AGAP1: variants seen among roughly 807,000 people sequenced by gnomAD.
AGAP1 encodes ArfGAP with GTPase domain, ankyrin repeat and PH domain 1.
A neutral mutation model predicts 105.3 loss-of-function variants in AGAP1; 29 were observed. The ratio of observed to expected loss-of-function variants is 0.28; its 90% CI spans 0.21 to 0.38. The LOEUF is 0.38. Among genes scored for constraint, AGAP1 ranks in the 10% least tolerant of loss-of-function variants. The pLI is 1.00. For missense variants in AGAP1, 998 were observed against 1,165.1 expected, an observed-to-expected ratio of 0.86 and a Z score of 2.09; for synonymous variants, 509 against 485.9, an observed-to-expected ratio of 1.05 and a Z score of -0.63.
rs1037952030 is a variant in AGAP1, at chr2:236,008,235, G to T, written c.1646-28326G>T. ...GGGGCCCAACCACACCCAAGGCCTC[G>T]TCGGTTTCTGTTCTCATGCTGTTGT... On this transcript the variant is annotated intron_variant, in intron 13 of 17. Coordinates refer to ENST00000304032, the MANE Select transcript of AGAP1 (RefSeq NM_001037131.3). Among the ~76,000 whole-genome samples, 6 of 152,276 alleles carry T rather than the reference G, an allele frequency of 3.9e-5. No homozygotes were observed. The South Asian group carries it at 1.2e-3, about 32-fold the overall frequency.
chr2:235,643,843 C>T (rs114047002), intron 1 of AGAP1, among the ~76,000 whole-genome samples: 3,710 of 152,210 alleles, frequency 0.024, 63 homozygotes, highest in Non-Finnish European at 0.038. Flanking sequence ...TCCCATTATG[C>T]TATCTCTTAA....
chr2:235,629,266 CATTGT>C (rs1559299836), intron 1 of AGAP1, among the ~76,000 whole-genome samples: 2 of 133,514 alleles, frequency 1.5e-5, no homozygotes, highest in African/African-American at 5.9e-5. Flanking sequence ...GAGTAGTAGT[CATTGT>C]GTGTGTGTGT....
intron 9 of AGAP1, among the ~76,000 whole-genome samples, chr2:235,841,351 C>T (rs1162787249): frequency 6.6e-6 from 1 of 152,160 alleles, no homozygotes; most frequent in African/African-American, 2.4e-5. Flanking sequence ...AGCTTACGGG[C>T]CTGATGCGGT....
intron 1 of AGAP1, among the ~76,000 whole-genome samples, chr2:235,641,799 A>G (rs1685730258): frequency 1.3e-5 from 2 of 152,256 alleles, no homozygotes; most frequent in African/African-American, 4.8e-5. Flanking sequence ...TACCTGATTC[A>G]GTATTCTGTG....
At chr2:236,093,638 T>C (rs948994511) in intron 16 of AGAP1, among the ~76,000 whole-genome samples, 3 of 152,146 alleles carry the variant, frequency 2.0e-5, no homozygotes, top group African/African-American at 4.8e-5. Flanking sequence ...ATATCCTGGA[T>C]TGGGAGAGAA....
chr2:235,535,905 C>T lies in AGAP1; in HGVS notation c.163+41056C>T, dbSNP rs1943198450. Reference sequence around the variant, plus strand: ...TTTGAAGCTCTCCAGGCTCTGGCCACAGTGGCTTTCCTGCCCTCCTTGGCT... The same window carrying T: ...TTTGAAGCTCTCCAGGCTCTGGCCATAGTGGCTTTCCTGCCCTCCTTGGCT... On this transcript the variant is annotated intron_variant, in intron 1 of 17. Coordinates refer to ENST00000304032, the MANE Select transcript of AGAP1 (RefSeq NM_001037131.3). The surrounding 1 kb of genome is among the most constrained non-coding windows in gnomAD (Gnocchi z 5.1). Among the ~76,000 whole-genome samples, 1 of 152,024 alleles carries T rather than the reference C, an allele frequency of 6.6e-6. No homozygotes were observed. The highest frequency in any genetic ancestry group is 2.1e-4 in the South Asian group (1 of 4,820).
At chr2:235,907,275 C>T (rs1040202571) in intron 10 of AGAP1, among the ~76,000 whole-genome samples, 1 of 152,164 alleles carries the variant, frequency 6.6e-6, no homozygotes, top group Non-Finnish European at 1.5e-5. Context: ...GCCTCGGTCC[C>T]TTGCATCCAG....
At chr2:235,645,095 C>G (rs1947330121) in intron 1 of AGAP1, among the ~76,000 whole-genome samples, 1 of 152,032 alleles carries the variant, frequency 6.6e-6, no homozygotes, top group Non-Finnish European at 1.5e-5. Flanking sequence ...AGGGTTTTAC[C>G]ATGTTGGCCA....
At chr2:235,899,842 C>T (rs574121411) in intron 10 of AGAP1, among the ~76,000 whole-genome samples, 9 of 152,104 alleles carry the variant, frequency 5.9e-5, no homozygotes, top group Non-Finnish European at 1.0e-4. Flanking sequence ...GTTACAACTG[C>T]GTAATACTCA....
intron 16 of AGAP1, among the ~76,000 whole-genome samples, chr2:236,054,512 AAGG>A (rs1006925625): frequency 7.9e-5 from 12 of 151,100 alleles, no homozygotes; most frequent in Non-Finnish European, 1.3e-4. Context: ...GAGGGGGAGA[AAGG>A]AGAAAAAAAA....
At chr2:235,922,914 A>T (rs537101317) in intron 11 of AGAP1, among the ~76,000 whole-genome samples, 3 of 152,348 alleles carry the variant, frequency 2.0e-5, no homozygotes, top group African/African-American at 7.2e-5. Context: ...AAGTACAGCT[A>T]AAATTATTCT....
In AGAP1 at chr2:235,970,428, C is replaced by T. The variant is rs2054594342; in HGVS notation, c.1645+1805C>T. 6.6e-6 allele frequency among the ~76,000 whole-genome samples: 1 copy of T among 152,112 alleles called. No individual in the cohort carries two copies. Among genetic ancestry groups the T allele is most frequent in the Non-Finnish European group, 1.5e-5 (1 of 68,024 alleles). On this transcript the variant is annotated intron_variant, in intron 13 of 17. Transcript: ENST00000304032. This position sits in a 1 kb window ranked among gnomAD's most constrained non-coding sequence, Gnocchi z 5.4. ...AATCACCCTGCCAAGCACGTGCAGC[C>T]ACCCCTCCCTGATTGGGAAGAAGGT... is the stretch of plus-strand genomic sequence containing the variant.
intron 1 of AGAP1, among the ~76,000 whole-genome samples, chr2:235,522,987 G>C (rs1942682034): frequency 6.6e-6 from 1 of 152,184 alleles, no homozygotes; most frequent in Admixed American, 6.5e-5. Flanking sequence ...ACCTAAGACT[G>C]AGTGGCTTCA....
chr2:235,744,917 A>G lies in AGAP1; in HGVS notation c.538+78A>G. On this transcript the variant is annotated intron_variant, in intron 5 of 17. Transcript: ENST00000304032. The surrounding 1 kb of genome is among the most constrained non-coding windows in gnomAD (Gnocchi z 5.2). ...TTTTCAGTATGGAGGAGTTTAAAAA[A>G]TGCTTTAAAGAAGGAAAAATTGCCT... 6.5e-7 allele frequency: 1 copy of G among 1,540,002 alleles called. No homozygotes were observed.
chr2:235,933,854 A>G (rs2052854439), intron 12 of AGAP1, among the ~76,000 whole-genome samples: 1 of 152,202 alleles, frequency 6.6e-6, no homozygotes, highest in Non-Finnish European at 1.5e-5. Flanking sequence ...ATAGTATGTC[A>G]TACCGGAAAT....
rs1404015323 is a variant in AGAP1, at chr2:235,904,291, C to G, written c.1156-4447C>G. ...CAGGGGGACAGCGAGGCACAGTTAC[C>G]GAGCAATTGGCGGGTTCGGAAACAG... On this transcript the variant is annotated intron_variant, in intron 10 of 17. Coordinates refer to ENST00000304032, the MANE Select transcript of AGAP1 (RefSeq NM_001037131.3). The surrounding 1 kb of genome is among the most constrained non-coding windows in gnomAD (Gnocchi z 4.2). Among the ~76,000 whole-genome samples, 1 of 152,174 alleles carries G rather than the reference C, an allele frequency of 6.6e-6. No individual in the cohort carries two copies. The highest frequency in any genetic ancestry group is 1.5e-5 in the Non-Finnish European group (1 of 68,026).
intron 16 of AGAP1, among the ~76,000 whole-genome samples, chr2:236,063,421 G>A (rs1235680803): frequency 1.3e-5 from 2 of 152,188 alleles, no homozygotes; most frequent in African/African-American, 4.8e-5. Flanking sequence ...TGGGGTGTGG[G>A]AAAGACAAGC....
rs574691483 is a variant in AGAP1 at position 235,754,416 on chromosome 2, G to A, written c.673+3928G>A. ...AGCGTGTAATTTCTACATAATGTTT[G>A]GCTTGTAAATAAAAAAAAAAAAAAA... On this transcript the variant is annotated intron_variant, in intron 6 of 17. Transcript: ENST00000304032. This position sits in a 1 kb window ranked among gnomAD's most constrained non-coding sequence, Gnocchi z 4.6. Among the ~76,000 whole-genome samples, 82 of 146,974 alleles carry A rather than the reference G, an allele frequency of 5.6e-4. No individual in the cohort carries two copies. Among genetic ancestry groups the A allele is most frequent in the Admixed American group, 1.5e-3 (22 of 14,612 alleles).
At position 235,550,965 on chromosome 2, in the gene AGAP1, G is replaced by A. The variant is rs1391866545; in HGVS notation, c.163+56116G>A. Among the ~76,000 whole-genome samples the A allele has an allele frequency of 1.3e-5, 2 of 152,040 alleles. No homozygotes were observed. The highest frequency in any genetic ancestry group is 1.3e-4 in the Admixed American group (2 of 15,256). On this transcript the variant is annotated intron_variant, in intron 1 of 17. Transcript: ENST00000304032. The surrounding 1 kb of genome is among the most constrained non-coding windows in gnomAD (Gnocchi z 4.6). Reference sequence around the variant, plus strand: ...AATTTTTGTATTTTAGTAGAAATGGGGTTTCACCATGTTGGGCAGGCTGGT... The same window carrying A: ...AATTTTTGTATTTTAGTAGAAATGGAGTTTCACCATGTTGGGCAGGCTGGT...
Sources: allele counts gnomAD v4.1 joint callset (sites outside exome capture counted in the v4.1 genomes callset), GRCh38; gene constraint gnomAD v4.1.1; non-coding constraint Gnocchi (gnomAD v3.1); transcripts MANE v1.5; gene names NCBI Gene and HGNC (gene_info 2026-07-23, HGNC 2026-07-21).